DSCAM: variants seen among roughly 807,000 people sequenced by gnomAD.
DSCAM encodes the protein cell adhesion molecule DSCAM.
A neutral mutation model predicts 217.7 loss-of-function variants in DSCAM; 47 were observed. That is an observed-to-expected ratio of 0.22 (90% CI 0.17 to 0.28). The LOEUF (loss-of-function observed/expected upper bound fraction) is 0.28. DSCAM is among the 10% of genes least tolerant of loss of function. DSCAM has a pLI of 1.00. For missense variants in DSCAM, 2,080 were observed against 2,618.3 expected, an observed-to-expected ratio of 0.79 and a Z score of 4.49; for synonymous variants, 1,056 against 1,015.3, an observed-to-expected ratio of 1.04 and a Z score of -0.76.
chr21:40,373,173 A>C (rs2074916205), intron 3 of DSCAM, among the ~76,000 whole-genome samples: 2 of 152,184 alleles, frequency 1.3e-5, no homozygotes, highest in African/African-American at 2.4e-5. Flanking sequence ...AGTTCTAGAA[A>C]TCTATTTTGC....
chr21:40,781,417 C>T (rs2091543427), intron 1 of DSCAM, among the ~76,000 whole-genome samples: 1 of 152,200 alleles, frequency 6.6e-6, no homozygotes, highest in Non-Finnish European at 1.5e-5. Flanking sequence ...TGCAATCACT[C>T]TTCCAATGTA....
intron 3 of DSCAM, among the ~76,000 whole-genome samples, chr21:40,374,697 TA>T (rs2074932479): frequency 6.6e-6 from 1 of 152,182 alleles, no homozygotes; most frequent in Non-Finnish European, 1.5e-5. Context: ...TATTTGGAAA[TA>T]AAGCTTTTGG....
At chr21:40,309,952 C>T (rs561246997) in intron 9 of DSCAM, among the ~76,000 whole-genome samples, 102 of 152,276 alleles carry the variant, frequency 6.7e-4, no homozygotes, top group African/African-American at 2.4e-3. Flanking sequence ...ACAGTGCCAA[C>T]TCTTTAATCT....
intron 10 of DSCAM, among the ~76,000 whole-genome samples, chr21:40,276,856 A>C (rs2073693810): frequency 6.6e-6 from 1 of 152,204 alleles, no homozygotes; most frequent in Non-Finnish European, 1.5e-5. Flanking sequence ...GACAGCACAG[A>C]ATTAAAACAC....
intron 3 of DSCAM, among the ~76,000 whole-genome samples, chr21:40,676,538 T>C (rs2090341155): frequency 6.6e-6 from 1 of 152,228 alleles, no homozygotes; most frequent in South Asian, 2.1e-4. Flanking sequence ...ATTGTTCTTT[T>C]GTTTGCTTGT....
At chr21:40,156,435 A>AAG (rs1216705132) in intron 16 of DSCAM, among the ~76,000 whole-genome samples, 3 of 152,162 alleles carry the variant, frequency 2.0e-5, no homozygotes, top group Non-Finnish European at 4.4e-5. Context: ...AGAACCAGAG[A>AAG]AGATCCAGGT....
At position 40,530,300 on chromosome 21, in the gene DSCAM, C is replaced by G. The variant is rs142860539; in HGVS notation, c.509-161055G>C. ...GTCACATACAGATTTGATAAGCTCT[C>G]TTTTCTCAATTTGACTTTTGTTGAT... On this transcript the variant is annotated intron_variant, in intron 3 of 32. Coordinates refer to ENST00000400454, the MANE Select transcript of DSCAM (RefSeq NM_001389.5). Among the ~76,000 whole-genome samples the G allele has an allele frequency of 2.1e-3, 327 of 152,286 alleles. 1 individual carries two copies. The highest frequency in any genetic ancestry group is 3.3e-3 in the Non-Finnish European group (224 of 68,012).
intron 3 of DSCAM, among the ~76,000 whole-genome samples, chr21:40,428,676 T>C (rs1309344025): frequency 1.3e-5 from 2 of 152,160 alleles, no homozygotes; most frequent in Non-Finnish European, 2.9e-5. Flanking sequence ...CCAAACAGGA[T>C]ATGCAAATTT....
chr21:40,181,434 C>G (rs558944379), intron 14 of DSCAM, among the ~76,000 whole-genome samples: 2 of 152,012 alleles, frequency 1.3e-5, no homozygotes, highest in Non-Finnish European at 2.9e-5. Context: ...TTGGTCATTC[C>G]GATGTATAGT....
chr21:40,327,376 T>C (rs1380838114), intron 8 of DSCAM, among the ~76,000 whole-genome samples: 2 of 152,198 alleles, frequency 1.3e-5, no homozygotes, highest in Non-Finnish European at 2.9e-5. Flanking sequence ...AAAAGAATTG[T>C]ATTCTTATAT....
intron 1 of DSCAM, among the ~76,000 whole-genome samples, chr21:40,778,029 A>C (rs951712695): frequency 3.9e-5 from 6 of 152,216 alleles, no homozygotes; most frequent in Non-Finnish European, 8.8e-5. Flanking sequence ...GTCAGTACAG[A>C]ATTGTGTGCC....
At chr21:40,381,062 C>CAAAAAAAAAAAAAAAAAA (rs71186932) in intron 3 of DSCAM, among the ~76,000 whole-genome samples, 17 of 66,206 alleles carry the variant, frequency 2.6e-4, no homozygotes, top group African/African-American at 7.0e-4. Context: ...GACTCCGTCT[C>CAAAAAAAAAAAAAAAAAA]AAAAAAAAAA....
intron 3 of DSCAM, chr21:40,621,458 G>C (rs1393165038): frequency 6.6e-6 from 1 of 152,120 alleles, no homozygotes; most frequent in Non-Finnish European, 1.5e-5. Flanking sequence ...CCAGTGACCT[G>C]ACTGGAGAGG....
intron 11 of DSCAM, among the ~76,000 whole-genome samples, chr21:40,226,061 A>C (rs1046862629): frequency 2.0e-5 from 3 of 152,208 alleles, no homozygotes; most frequent in African/African-American, 7.2e-5. Flanking sequence ...ACGTCCACTT[A>C]TCTATCCAAT....
intron 19 of DSCAM, among the ~76,000 whole-genome samples, chr21:40,127,198 T>A (rs183130094): frequency 7.2e-5 from 11 of 152,320 alleles, no homozygotes; most frequent in Admixed American, 7.2e-4. Flanking sequence ...ACCAAATAAG[T>A]TCTAGCTATC....
At chr21:40,719,521 C>T (rs1233191594) in intron 1 of DSCAM, among the ~76,000 whole-genome samples, 1 of 152,164 alleles carries the variant, frequency 6.6e-6, no homozygotes. Context: ...AGCAGCAACA[C>T]GTTGTAACAG....
At chr21:40,196,178 G>C (rs969819940) in intron 11 of DSCAM, among the ~76,000 whole-genome samples, 1 of 152,168 alleles carries the variant, frequency 6.6e-6, no homozygotes, top group African/African-American at 2.4e-5. Flanking sequence ...GGGTTAGGTG[G>C]TGCCTGGGGT....
At chr21:40,324,228 GA>G (rs925572868) in intron 8 of DSCAM, among the ~76,000 whole-genome samples, 1 of 150,712 alleles carries the variant, frequency 6.6e-6, no homozygotes, top group African/African-American at 2.4e-5. Context: ...TCCATGGGAG[GA>G]AAAAAATAAT....
At chr21:40,279,170 T>C (rs2073727146) in intron 10 of DSCAM, among the ~76,000 whole-genome samples, 1 of 152,226 alleles carries the variant, frequency 6.6e-6, no homozygotes, top group African/African-American at 2.4e-5. Context: ...ATCTCTTCAA[T>C]ATGTTTTCCT....
Sources: gnomAD v4.1 joint callset for allele counts (sites outside exome capture counted in the v4.1 genomes callset) on GRCh38, gnomAD v4.1.1 for gene constraint, MANE v1.5 for transcripts, NCBI Gene and HGNC (gene_info 2026-07-23, HGNC 2026-07-21) for gene names.